Variants in CRACD observed in about 807,000 individuals in gnomAD.
CRACD encodes the protein capping protein-inhibiting regulator of actin dynamics.
In CRACD, 56 loss-of-function variants were observed where a neutral mutation model predicts 106.8. The ratio of observed to expected loss-of-function variants is 0.52; its 90% CI spans 0.42 to 0.66. The LOEUF is 0.66. Ranked by LOEUF, CRACD falls within the 30% of genes least tolerant of loss-of-function variation. The pLI is 0.00. For synonymous variants in CRACD, 754 were observed against 670.8 expected (o/e 1.12, Z -1.92); for missense variants, 1,730 against 1,623.2 (o/e 1.07, Z -1.13).
At chr4:56,127,175 T>C (rs1734686716) in intron 1 of CRACD, among the ~76,000 whole-genome samples, 1 of 152,210 alleles carries the variant, frequency 6.6e-6, no homozygotes, top group Admixed American at 6.5e-5. Flanking sequence ...TTCTCCCCTC[T>C]GGAGGACACA....
At position 56,278,818 on chromosome 4, in the gene CRACD, T is replaced by C. The variant is rs59741920; in HGVS notation, c.-17+6326T>C. Among the ~76,000 whole-genome samples, 174 of 152,244 alleles carry C rather than the reference T, an allele frequency of 1.1e-3. No individual in the cohort carries two copies. In the East Asian group the frequency reaches 0.024, roughly 21 times the overall value. On this transcript the variant is annotated intron_variant, in intron 3 of 10. Coordinates refer to ENST00000682029, the MANE Select transcript of CRACD (RefSeq NM_001393381.1). Reference sequence around the variant, plus strand: ...GACCCCCTCCCCAAATTTTTTTTTATTGGGCAAAGGATTCTAATAGACATC... The same window carrying C: ...GACCCCCTCCCCAAATTTTTTTTTACTGGGCAAAGGATTCTAATAGACATC...
chr4:56,309,509 GAGT>G (rs1744982939), intron 5 of CRACD, among the ~76,000 whole-genome samples: 1 of 152,136 alleles, frequency 6.6e-6, no homozygotes, highest in Admixed American at 6.5e-5. Context: ...TTGATGCCAG[GAGT>G]TTGAGAACAA....
chr4:56,254,430 T>G (rs924498464), intron 2 of CRACD, among the ~76,000 whole-genome samples: 1 of 151,504 alleles, frequency 6.6e-6, no homozygotes, highest in African/African-American at 2.4e-5. Context: ...AGGTATCATA[T>G]CAGTGTAGCA....
intron 1 of CRACD, among the ~76,000 whole-genome samples, chr4:56,113,114 T>C (rs13131545): frequency 0.47 from 71,300 of 151,368 alleles, 17,959 homozygotes; most frequent in African/African-American, 0.66. Flanking sequence ...AATAGCTTGA[T>C]TCAATTAACT....
chr4:56,289,810 T>C (rs1342428315), intron 3 of CRACD, among the ~76,000 whole-genome samples: 2 of 152,154 alleles, frequency 1.3e-5, no homozygotes, highest in African/African-American at 4.8e-5. Context: ...CCACCATTCA[T>C]ATAATGTCAT....
intron 2 of CRACD, among the ~76,000 whole-genome samples, chr4:56,183,250 TA>T (rs1285313343): frequency 2.6e-5 from 3 of 115,272 alleles, no homozygotes; most frequent in African/African-American, 1.3e-4. Flanking sequence ...TAAAATAAAA[TA>T]AAATAAAATA....
intron 1 of CRACD, among the ~76,000 whole-genome samples, chr4:56,129,519 C>A (rs1446927439): frequency 1.3e-5 from 2 of 152,176 alleles, no homozygotes; most frequent in Non-Finnish European, 2.9e-5. Context: ...GCTTTTAAGA[C>A]CAACTCCCTG....
intron 2 of CRACD, among the ~76,000 whole-genome samples, chr4:56,236,850 G>T (rs1740002801): frequency 6.6e-6 from 1 of 151,944 alleles, no homozygotes; most frequent in Non-Finnish European, 1.5e-5. Context: ...TTTTAAATAT[G>T]TTAAAAATGC....
intron 3 of CRACD, among the ~76,000 whole-genome samples, chr4:56,283,424 G>A (rs993864335): frequency 2.0e-5 from 3 of 152,164 alleles, no homozygotes; most frequent in African/African-American, 7.2e-5. Flanking sequence ...TTCCCTTTTA[G>A]GGAGTTGTCT....
At chr4:56,123,020 G>A (rs1371002230) in intron 1 of CRACD, among the ~76,000 whole-genome samples, 1 of 152,080 alleles carries the variant, frequency 6.6e-6, no homozygotes, top group African/African-American at 2.4e-5. Flanking sequence ...TTAAATTTTA[G>A]GAAATCTGGA....
intron 2 of CRACD, among the ~76,000 whole-genome samples, chr4:56,189,928 C>T (rs1237920065): frequency 6.7e-6 from 1 of 149,188 alleles, no homozygotes; most frequent in African/African-American, 2.5e-5. Context: ...ACTAACTCAT[C>T]ATCTAGCATT....
At chr4:56,265,570 A>G (rs555757303) in intron 2 of CRACD, among the ~76,000 whole-genome samples, 1 of 152,314 alleles carries the variant, frequency 6.6e-6, no homozygotes, top group Admixed American at 6.5e-5. Context: ...CCAAGGCCAA[A>G]CAAGGCATCT....
chr4:56,067,234 C>T (rs1199291702), intron 1 of CRACD, among the ~76,000 whole-genome samples: 1 of 151,960 alleles, frequency 6.6e-6, no homozygotes, highest in Non-Finnish European at 1.5e-5. Context: ...GATTCTTCTG[C>T]ACAGAAAATC....
intron 2 of CRACD, among the ~76,000 whole-genome samples, chr4:56,210,543 A>C (rs529710618): frequency 5.9e-5 from 9 of 152,328 alleles, no homozygotes; most frequent in African/African-American, 2.2e-4. Context: ...GCAGCTTTAA[A>C]GAGAGGACAC....
At chr4:56,103,355 A>G (rs1026659886) in intron 1 of CRACD, among the ~76,000 whole-genome samples, 3 of 152,206 alleles carry the variant, frequency 2.0e-5, no homozygotes, top group Non-Finnish European at 2.9e-5. Flanking sequence ...TAATCTCAGC[A>G]CTTTGGGATG....
At chr4:56,203,246 A>G (rs1321281381) in intron 2 of CRACD, among the ~76,000 whole-genome samples, 1 of 152,208 alleles carries the variant, frequency 6.6e-6, no homozygotes, top group Non-Finnish European at 1.5e-5. Flanking sequence ...GCAGCCAGCC[A>G]TAATCAGCAA....
chr4:56,290,043 T>TA (rs1324107553), intron 3 of CRACD, among the ~76,000 whole-genome samples: 1 of 152,190 alleles, frequency 6.6e-6, no homozygotes, highest in East Asian at 1.9e-4. Context: ...TCATCGCTGA[T>TA]ACAGTACACT....
Position 56,328,523 on chromosome 4 carries a change from A to T in CRACD, c.*719A>T. 2.3e-6 allele frequency: 1 copy of T among 427,618 alleles called. No individual in the cohort carries two copies. Among genetic ancestry groups the T allele is most frequent in the Middle Eastern group, 3.8e-4 (1 of 2,640 alleles). The allele number at this position is 427,618 out of a possible 1,614,324, so 26.5% of individuals were successfully genotyped here. A position where few individuals can be genotyped will look rare whatever the true frequency, so the allele number is the denominator to read the frequency against. ...CCAGTTGGCTCCCAGGGAACATTTT[A>T]ATTTAATGTAGTGAAGAAAGACAAT... On this transcript the variant is annotated 3_prime_UTR_variant, in exon 11 of 11. Transcript: ENST00000682029.
rs751624184 is a variant in CRACD at position 56,315,042 on chromosome 4, G to A, written c.1540G>A (p.Glu514Lys). The change falls in exon 8 of 11, where the codon GAA becomes AAA. Residue 514 changes from glutamate to lysine, a missense_variant. This residue lies in a region of CRACD where 1,620 missense variants were observed against 1,481.6 expected (regional missense o/e 1.09). Coordinates refer to ENST00000682029, the MANE Select transcript of CRACD (RefSeq NM_001393381.1). This position sits in a 1 kb window ranked among gnomAD's most constrained non-coding sequence, Gnocchi z 4.1. ...GGAGAGGAAAGAAGCCGCCGCCCTT[G>A]AACAAGGCCGCAAGGTGGAGGAGCT... Reference protein sequence around the residue: ...PVERKEAAALEQGRKVEELRW... With the variant: ...PVERKEAAALKQGRKVEELRW... 2 of 1,604,676 alleles carry A rather than the reference G, an allele frequency of 1.2e-6. No individual in the cohort carries two copies. Among genetic ancestry groups the A allele is most frequent in the African/African-American group, 2.7e-5 (2 of 74,852 alleles).
Sources: gnomAD v4.1 joint callset for allele counts (sites outside exome capture counted in the v4.1 genomes callset) on GRCh38, gnomAD v4.1.1 for gene constraint, gnomAD v4.1.1 regional missense constraint, Gnocchi (gnomAD v3.1) non-coding constraint, MANE v1.5 for transcripts, NCBI Gene and HGNC (gene_info 2026-07-23, HGNC 2026-07-21) for gene names.